The following FAM107A variants were observed in gnomAD, a reference collection of about 807,000 sequenced individuals.
FAM107A encodes the protein actin-associated protein FAM107A.
A neutral mutation model predicts 13.7 loss-of-function variants in FAM107A; 19 were observed. The observed-to-expected ratio is 1.38, with a 90% CI of 0.97 to 2.03. The LOEUF is 2.03. Among genes scored for constraint, FAM107A ranks in the 30% most tolerant of loss-of-function variants. The pLI is 0.00. For missense variants in FAM107A, 203 were observed against 184.4 expected, an observed-to-expected ratio of 1.10 and a Z score of -0.58; for synonymous variants, 82 against 74.5, an observed-to-expected ratio of 1.10 and a Z score of -0.52.
At chr3:58,583,836 A>C (rs537308653) in intron 1 of FAM107A, among the ~76,000 whole-genome samples, 2 of 151,984 alleles carry the variant, frequency 1.3e-5, no homozygotes, top group East Asian at 3.9e-4. Context: ...ATGCACCACC[A>C]TGCTGGGCTA....
At chr3:58,623,313 C>T (rs2065976373) in intron 1 of FAM107A, among the ~76,000 whole-genome samples, 1 of 152,146 alleles carries the variant, frequency 6.6e-6, no homozygotes, top group Admixed American at 6.5e-5. Flanking sequence ...GGTCAGAGGA[C>T]AGGACTCTTT....
chr3:58,591,367 G>A (rs569236915), upstream of FAM107A, among the ~76,000 whole-genome samples: 83 of 152,268 alleles, frequency 5.5e-4, no homozygotes, highest in Non-Finnish European at 9.8e-4. This position sits in a 1 kb window ranked among gnomAD's most constrained non-coding sequence, Gnocchi z 4.3. Flanking sequence ...CAGGGTCAGC[G>A]GTTAATGCAA....
chr3:58,576,528 C>T (rs542547207), intron 1 of FAM107A, among the ~76,000 whole-genome samples: 6 of 152,218 alleles, frequency 3.9e-5, no homozygotes, highest in Non-Finnish European at 8.8e-5. Context: ...CTAAGAGGGC[C>T]ACTCAGGATC....
intron 1 of FAM107A, among the ~76,000 whole-genome samples, chr3:58,612,512 C>T (rs552345418): frequency 6.6e-6 from 1 of 150,582 alleles, no homozygotes; most frequent in Admixed American, 6.6e-5. Flanking sequence ...CCAGGGAGGT[C>T]GAGGCTGAAG....
chr3:58,569,623 G>C lies in FAM107A; in HGVS notation c.170+68C>G. 1 of 1,354,270 alleles carries C rather than the reference G, an allele frequency of 7.4e-7. No individual in the cohort carries two copies. Among genetic ancestry groups the C allele is most frequent in the East Asian group, 2.3e-5 (1 of 42,566 alleles). The allele number at this position is 1,354,270 out of a possible 1,614,324, so 83.9% of individuals were successfully genotyped here. A position where few individuals can be genotyped will look rare whatever the true frequency, so the allele number is the denominator to read the frequency against. On this transcript the variant is annotated intron_variant, in intron 2 of 3. Transcript: ENST00000360997. This position sits in a 1 kb window ranked among gnomAD's most constrained non-coding sequence, Gnocchi z 5.7. Reference sequence around the variant, plus strand: ...GAAAGCCAGCTCTGCTTTCCTCCAGGGTCACCTTCCCCATCCCCCACAGGC... The same window carrying C: ...GAAAGCCAGCTCTGCTTTCCTCCAGCGTCACCTTCCCCATCCCCCACAGGC...
At chr3:58,570,232 G>T in intron 1 of FAM107A, 1 of 338,764 alleles carries the variant, frequency 3.0e-6, no homozygotes. Flanking sequence ...TTTTCAATGA[G>T]CTTGTAACAG....
intron 1 of FAM107A, among the ~76,000 whole-genome samples, chr3:58,614,931 G>A (rs1029206863): frequency 6.6e-6 from 1 of 152,168 alleles, no homozygotes; most frequent in Non-Finnish European, 1.5e-5. Flanking sequence ...TCAGCCTCCT[G>A]AGTAGCTGGG....
chr3:58,612,068 A>G (rs1313059653), intron 1 of FAM107A, among the ~76,000 whole-genome samples: 2 of 152,032 alleles, frequency 1.3e-5, no homozygotes, highest in East Asian at 1.9e-4. Context: ...TGGAAAGTCT[A>G]CATGTCCTCA....
chr3:58,585,230 C>A (rs1023088262), intron 1 of FAM107A, among the ~76,000 whole-genome samples: 1 of 152,214 alleles, frequency 6.6e-6, no homozygotes, highest in Admixed American at 6.5e-5. Flanking sequence ...GGGAGACCCC[C>A]TCCGCAGCTT....
intron 1 of FAM107A, among the ~76,000 whole-genome samples, chr3:58,582,868 G>A (rs1383095449): frequency 6.6e-6 from 1 of 152,226 alleles, no homozygotes; most frequent in African/African-American, 2.4e-5. Context: ...GCACGATTTC[G>A]GCTCACTGCG....
intron 1 of FAM107A, among the ~76,000 whole-genome samples, chr3:58,618,381 C>A (rs2065922847): frequency 6.6e-6 from 1 of 152,198 alleles, no homozygotes; most frequent in Non-Finnish European, 1.5e-5. Flanking sequence ...AATTGGCCCT[C>A]CGAAGAATGA....
At chr3:58,598,693 A>G (rs906485017) in intron 1 of FAM107A, among the ~76,000 whole-genome samples, 13 of 152,210 alleles carry the variant, frequency 8.5e-5, no homozygotes, top group African/African-American at 3.1e-4. Flanking sequence ...TGTCCCAGCC[A>G]TGCCCCAATC....
rs868652342 is a variant in FAM107A at position 58,597,983 on chromosome 3, C to T, written c.-69-8714G>A. On this transcript the variant is annotated intron_variant, in intron 1 of 3. Coordinates refer to the FAM107A transcript ENST00000465970. ...GGCTCAGTGAGGTTAAGGAACCCTT[C>T]TCCCTGGAGTCAGCTGTGCCAGCCT... Among the ~76,000 whole-genome samples, 4 of 152,306 alleles carry T rather than the reference C, an allele frequency of 2.6e-5. No homozygotes were observed. The Middle Eastern group carries it at 0.014, about 518-fold the overall frequency.
rs2063622632 is a variant in FAM107A at position 58,566,532 on chromosome 3, G to T, written c.*56C>A. On this transcript the variant is annotated 3_prime_UTR_variant, in exon 4 of 4. Transcript: ENST00000360997. ...GCCCAGGGCTGCCAGGTACAGAAGG[G>T]CTGAAGGAGGCTGTCCAGGCCAGGG... The T allele has an allele frequency of 7.8e-7, 1 of 1,282,330 alleles. No homozygotes were observed. The highest frequency in any genetic ancestry group is 1.5e-5 in the African/African-American group (1 of 68,248). 79.4% of individuals were successfully genotyped at this position (1,282,330 alleles called of 1,614,324 possible).
chr3:58,594,456 C>T (rs761537180), intron 1 of FAM107A, among the ~76,000 whole-genome samples: 24 of 152,170 alleles, frequency 1.6e-4, no homozygotes, highest in African/African-American at 4.8e-4. Flanking sequence ...TCGCTGGATC[C>T]GTAGGACTCT....
chr3:58,589,210 G>C, upstream of FAM107A: 1 of 1,532,512 alleles, frequency 6.5e-7, no homozygotes, highest in Middle Eastern at 1.7e-4. Context: ...ACTTACCTGA[G>C]CCATTTCGTC....
chr3:58,617,622 AG>A lies in FAM107A; in HGVS notation c.-70+9793del, dbSNP rs1274368772. Reference sequence around the variant, plus strand: ...TTCTGAAAGCCGATCCCTGGGGCCCAGGGAGGGAGCTGCGTTTTTGGGTTTC... The same window carrying A: ...TTCTGAAAGCCGATCCCTGGGGCCCAGGAGGGAGCTGCGTTTTTGGGTTTC... On this transcript the variant is annotated intron_variant, in intron 1 of 3. Coordinates refer to the FAM107A transcript ENST00000465970. The surrounding 1 kb of genome is among the most constrained non-coding windows in gnomAD (Gnocchi z 4.5). 6.6e-6 allele frequency among the ~76,000 whole-genome samples: 1 copy of A among 152,144 alleles called. No homozygotes were observed. The highest frequency in any genetic ancestry group is 1.5e-5 in the Non-Finnish European group (1 of 68,004).
At chr3:58,618,215 G>C (rs2065921663) in intron 1 of FAM107A, among the ~76,000 whole-genome samples, 1 of 152,218 alleles carries the variant, frequency 6.6e-6, no homozygotes, top group Non-Finnish European at 1.5e-5. Context: ...GGCTTTTGGT[G>C]CATGTGGAGG....
chr3:58,580,143 C>A (rs974575037), upstream of FAM107A, among the ~76,000 whole-genome samples: 1 of 152,082 alleles, frequency 6.6e-6, no homozygotes, highest in African/African-American at 2.4e-5. Context: ...CGAGATGCAG[C>A]CAATAAACAT....
Sources: gnomAD v4.1 joint callset for allele counts (sites outside exome capture counted in the v4.1 genomes callset) on GRCh38, gnomAD v4.1.1 for gene constraint, Gnocchi (gnomAD v3.1) non-coding constraint, MANE v1.5 for transcripts, NCBI Gene and HGNC (gene_info 2026-07-23, HGNC 2026-07-21) for gene names.